CYP11B2: variants seen among roughly 807,000 people sequenced by gnomAD.
CYP11B2 encodes cytochrome P450 family 11 subfamily B member 2.
In CYP11B2, 38 loss-of-function variants were observed where a neutral mutation model predicts 49.3. That is an observed-to-expected ratio of 0.77 (90% confidence interval 0.59 to 1.01). The LOEUF (loss-of-function observed/expected upper bound fraction) is 1.01. CYP11B2 is among the 50% of genes least tolerant of loss of function. The pLI is 0.00. For missense variants in CYP11B2, 669 were observed against 655.5 expected (o/e 1.02, Z -0.23); for synonymous variants, 290 against 269.3 (o/e 1.08, Z -0.75).
chr8:142,915,879 C>T (rs1179159623), intron 2 of CYP11B2, among the ~76,000 whole-genome samples: 1 of 152,172 alleles, frequency 6.6e-6, no homozygotes, highest in Non-Finnish European at 1.5e-5. Context: ...CTGCAAAACT[C>T]CTTTATTTAT....
At chr8:142,912,134 C>T in intron 8 of CYP11B2, 41 bp from the exon 9 acceptor site, 1 of 1,613,376 alleles carries the variant, frequency 6.2e-7, no homozygotes. Context: ...TGGTCAGTAG[C>T]CCATGGACCT....
chr8:142,917,248 G>A lies in CYP11B2; in HGVS notation c.240-34C>T, dbSNP rs753350110. ...CCAAGCAGGAGGCCCTGCTGGACGG[G>A]GTCATGTCCCTCGTGGCCCCACCCT... is the stretch of plus-strand genomic sequence containing the variant. On this transcript the variant is annotated intron_variant, in intron 1 of 8. Transcript: ENST00000323110. 1.7e-5 allele frequency: 28 copies of A among 1,610,148 alleles called. No homozygotes were observed. In the Admixed American group the frequency reaches 4.7e-4, roughly 27 times the overall value.
chr8:142,916,778 G>C (rs1451053406), intron 2 of CYP11B2, among the ~76,000 whole-genome samples: 1 of 152,194 alleles, frequency 6.6e-6, no homozygotes, highest in Non-Finnish European at 1.5e-5. Context: ...AGCCGCCGAG[G>C]TTGGTGCAGA....
At position 142,917,759 on chromosome 8, in the gene CYP11B2, C is replaced by T. The variant is rs1285562406; in HGVS notation, c.82G>A (p.Ala28Thr). 3 of 1,614,206 alleles carry T rather than the reference C, an allele frequency of 1.9e-6. No homozygotes were observed. The highest frequency in any genetic ancestry group is 2.5e-6 in the Non-Finnish European group (3 of 1,180,046). Residue 28 changes from alanine to threonine, a missense_variant, in exon 1 of 9, where the codon GCC becomes ACC. Physicochemically the swap from Ala to Thr is moderately conservative, Grantham distance 58 (BLOSUM62 0). Transcript: ENST00000323110. ...AGCACCGTCCTAGGGGCCCGAGCGGCTCTAGTGCCCAGTGCCCGTGCCCTT... is the reference window on the plus strand; with the variant it reads ...AGCACCGTCCTAGGGGCCCGAGCGGTTCTAGTGCCCAGTGCCCGTGCCCTT... The part of the protein sequence containing the change: ...LQRARALGTR[A>T]ARAPRTVLPF...
chr8:142,915,961 C>A (rs139015464), intron 2 of CYP11B2, among the ~76,000 whole-genome samples: 236 of 152,308 alleles, frequency 1.5e-3, no homozygotes, highest in African/African-American at 5.4e-3. Context: ...TGCGCCCATG[C>A]AAGACCTCAA....
rs1817553532 is a variant in CYP11B2, at chr8:142,912,511, C to A, written c.1398+19G>T. 1.9e-6 allele frequency: 3 copies of A among 1,607,110 alleles called. No homozygotes were observed. The highest frequency in any genetic ancestry group is 2.6e-6 in the Non-Finnish European group (3 of 1,175,568). On this transcript the variant is annotated intron_variant, in intron 8 of 8. Transcript: ENST00000323110. ...GCCTCTGCTGCCCAGGTCCCGCCCCCGCCCCCAGGCCTGCTTACGTGGTGC... is the reference window on the plus strand; with the variant it reads ...GCCTCTGCTGCCCAGGTCCCGCCCCAGCCCCCAGGCCTGCTTACGTGGTGC...
At chr8:142,915,786 C>T (rs1817633961) in intron 2 of CYP11B2, among the ~76,000 whole-genome samples, 1 of 150,074 alleles carries the variant, frequency 6.7e-6, no homozygotes, top group South Asian at 2.1e-4. Flanking sequence ...TCATGCCATC[C>T]TCACCCACAG....
At chr8:142,912,288 C>G (rs1817549880) in intron 8 of CYP11B2, among the ~76,000 whole-genome samples, 195 bp from the exon 9 acceptor site, 1 of 152,024 alleles carries the variant, frequency 6.6e-6, no homozygotes, top group Non-Finnish European at 1.5e-5. Context: ...TTGCCCAAGC[C>G]CCATTATTCT....
intron 2 of CYP11B2, among the ~76,000 whole-genome samples, chr8:142,916,715 G>A (rs1431413519): frequency 6.6e-6 from 1 of 152,104 alleles, no homozygotes; most frequent in Non-Finnish European, 1.5e-5. Flanking sequence ...CCTTCTCAGG[G>A]CCTCAGTTTT....
intron 2 of CYP11B2, 107 bp downstream of exon 2, chr8:142,916,952 C>T: frequency 6.5e-7 from 1 of 1,528,350 alleles, no homozygotes; most frequent in East Asian, 2.4e-5. Flanking sequence ...CTGCCCACCA[C>T]AGGGGCCCAG....
At position 142,912,882 on chromosome 8, in the gene CYP11B2, G is replaced by A; in HGVS notation, c.1125C>T (p.Leu375=). 1 of 1,612,980 alleles carries A rather than the reference G, an allele frequency of 6.2e-7. No homozygotes were observed. The highest frequency in any genetic ancestry group is 8.5e-7 in the Non-Finnish European group (1 of 1,179,546). The change falls in exon 7 of 9, where the codon CTC becomes CTT. Residue 375 remains leucine (L), a synonymous_variant. Coordinates refer to ENST00000323110, the MANE Select transcript of CYP11B2 (RefSeq NM_000498.3). ...LRAALKETLR[L]YPVGLFLERV... ...GCTCCAAAAACAGACCCACAGGGTAGAGCCTGGAGGTGGGGGCATCCATAG... is the reference window on the plus strand; with the variant it reads ...GCTCCAAAAACAGACCCACAGGGTAAAGCCTGGAGGTGGGGGCATCCATAG...
chr8:142,914,389 C>G lies in CYP11B2; in HGVS notation c.829G>C (p.Glu277Gln), dbSNP rs752071355. 26 of 1,613,360 alleles carry G rather than the reference C, an allele frequency of 1.6e-5. No individual in the cohort carries two copies. The highest frequency in any genetic ancestry group is 2.0e-5 in the Non-Finnish European group (24 of 1,179,624). Residue 277 changes from glutamate (E) to glutamine (Q), a missense_variant, in exon 5 of 9, where the codon GAA (glutamate) becomes CAA (glutamine). By Grantham distance (29) the Glu-to-Gln change is conservative. Transcript: ENST00000323110. ...TGTTGAGGGCGGTTGAAGGCCAGTT[C>G]CTGGTAGATTTTCTGGATACAGTTG... Reference protein sequence around the residue: ...GDNCIQKIYQELAFNRPQHYT... With the variant: ...GDNCIQKIYQQLAFNRPQHYT...
Position 142,911,894 on chromosome 8 carries a change from G to A in CYP11B2, c.*86C>T, listed in dbSNP as rs1323969925. On this transcript the variant is annotated 3_prime_UTR_variant, in exon 9 of 9. Coordinates refer to ENST00000323110, the MANE Select transcript of CYP11B2 (RefSeq NM_000498.3). Reference sequence around the variant, plus strand: ...GGACAGAGGGGTGACTCAGGAAGCTGTGCACGTGGGAGAGAAGACAGGTGG... The same window carrying A: ...GGACAGAGGGGTGACTCAGGAAGCTATGCACGTGGGAGAGAAGACAGGTGG... The A allele has an allele frequency of 1.3e-6, 2 of 1,597,024 alleles. No homozygotes were observed. The highest frequency in any genetic ancestry group is 4.5e-5 in the East Asian group (2 of 44,440).
In CYP11B2 at chr8:142,913,542, G is replaced by A. The variant is rs542797226; in HGVS notation, c.955-91C>T. The A allele has an allele frequency of 2.1e-4, 313 of 1,493,348 alleles. No individual in the cohort carries two copies. The African/African-American group carries it at 4.5e-3, about 21-fold the overall frequency. 92.5% of individuals were successfully genotyped at this position (1,493,348 alleles called of 1,614,324 possible). On this transcript the variant is annotated intron_variant, in intron 5 of 8. Coordinates refer to ENST00000323110, the MANE Select transcript of CYP11B2 (RefSeq NM_000498.3). ...CCAGGACAACCTCCCTCTGAGGGGT[G>A]GAGACATCCATGCCCTGAGCAAAAA...
intron 5 of CYP11B2, 151 bp from the exon 6 acceptor site, chr8:142,913,602 G>T: frequency 2.2e-6 from 2 of 928,260 alleles, no homozygotes; most frequent in Non-Finnish European, 3.4e-6. Context: ...AAACCTTGAT[G>T]ACCACTTGGG....
chr8:142,912,158 C>G lies in CYP11B2; in HGVS notation c.1399-65G>C, dbSNP rs545426129. On this transcript the variant is annotated intron_variant, in intron 8 of 8. Transcript: ENST00000323110. The stretch of plus-strand genomic sequence containing the variant: ...GCCCATGGACCTGGGGCAGCTTCCT[C>G]CCATCGTCCCAGGTGCAACAATTAT... 5.6e-6 allele frequency: 9 copies of G among 1,608,652 alleles called. No homozygotes were observed. In the East Asian group the frequency reaches 1.8e-4, roughly 32 times the overall value.
chr8:142,917,594 G>A lies in CYP11B2; in HGVS notation c.239+8C>T, dbSNP rs1817669970. On this transcript the variant is annotated splice_region_variant and intron_variant, in intron 1 of 8. Transcript: ENST00000323110. ...GGTGTTCCCAGCGAGGGCCAGGGAG[G>A]GCTTTACCTGAAAATGGGCCCCAGC... 3 of 1,614,202 alleles carry A rather than the reference G, an allele frequency of 1.9e-6. No individual in the cohort carries two copies. Among genetic ancestry groups the A allele is most frequent in the Non-Finnish European group, 2.5e-6 (3 of 1,180,024 alleles).
chr8:142,917,734 A>C lies in CYP11B2; in HGVS notation c.107T>G (p.Leu36Arg), dbSNP rs750922253. ...ATGCTGGGGCATGGCTTCAAACGGCAGCACCGTCCTAGGGGCCCGAGCGGC... is the reference window on the plus strand; with the variant it reads ...ATGCTGGGGCATGGCTTCAAACGGCCGCACCGTCCTAGGGGCCCGAGCGGC... ...TRAARAPRTV[L>R]PFEAMPQHPG... The change falls in exon 1 of 9, where the codon CTG (leucine) becomes CGG (arginine). Residue 36 changes from leucine to arginine, a missense_variant. Leu to Arg is a moderately radical substitution (Grantham distance 102). Transcript: ENST00000323110. The C allele has an allele frequency of 2.4e-5, 38 of 1,614,072 alleles. No individual in the cohort carries two copies. The highest frequency in any genetic ancestry group is 3.0e-5 in the Non-Finnish European group (35 of 1,180,054).
chr8:142,915,260 G>A lies in CYP11B2; in HGVS notation c.396-15C>T. The A allele has an allele frequency of 1.2e-6, 2 of 1,602,052 alleles. No homozygotes were observed. The highest frequency in any genetic ancestry group is 1.1e-5 in the South Asian group (1 of 88,742). On this transcript the variant is annotated splice_polypyrimidine_tract_variant and intron_variant, in intron 2 of 8. Coordinates refer to ENST00000323110, the MANE Select transcript of CYP11B2 (RefSeq NM_000498.3). ...CAGGCCCATTCCTACAGAGGCCAGG[G>A]CAGAGCTTGTGAGGCCGCCCCAGCA... is the stretch of plus-strand genomic sequence containing the variant.
Sources: allele counts gnomAD v4.1 joint callset (sites outside exome capture counted in the v4.1 genomes callset), GRCh38; gene constraint gnomAD v4.1.1; transcripts MANE v1.5; gene names NCBI Gene and HGNC (gene_info 2026-07-23, HGNC 2026-07-21).